The following ITGA9 variants were observed in gnomAD, a reference collection of about 807,000 sequenced individuals.
ITGA9 encodes integrin subunit alpha 9.
Under a neutral mutation model 127.8 loss-of-function variants are expected in ITGA9, and 56 were observed. The ratio of observed to expected loss-of-function variants is 0.44; its 90% CI spans 0.35 to 0.55. The LOEUF (loss-of-function observed/expected upper bound fraction) is 0.55, where lower values mean the gene tolerates loss of function less well. Ranked by LOEUF, ITGA9 falls within the 20% of genes least tolerant of loss-of-function variation. The pLI, the probability that ITGA9 is intolerant of heterozygous loss-of-function variation, is 0.00. For synonymous variants in ITGA9, 508 were observed against 514.5 expected (o/e 0.99, Z 0.17); for missense variants, 1,196 against 1,347.1 (o/e 0.89, Z 1.76).
intron 15 of ITGA9, among the ~76,000 whole-genome samples, chr3:37,627,906 C>T (rs1399603188): frequency 1.3e-5 from 2 of 152,106 alleles, no homozygotes; most frequent in Non-Finnish European, 2.9e-5. Context: ...GGATGGATAC[C>T]TAAGTACCCC....
At chr3:37,648,469 A>G (rs1413379532) in intron 16 of ITGA9, among the ~76,000 whole-genome samples, 1 of 152,064 alleles carries the variant, frequency 6.6e-6, no homozygotes, top group Non-Finnish European at 1.5e-5. Context: ...ACAAAAAATA[A>G]ACAGAAAATT....
chr3:37,516,352 T>A (rs1698983548), intron 9 of ITGA9, among the ~76,000 whole-genome samples: 4 of 152,084 alleles, frequency 2.6e-5, no homozygotes, highest in Admixed American at 6.5e-5. Flanking sequence ...GTTTGAATCT[T>A]GGTTTTGCCA....
At chr3:37,725,870 A>G (rs897137273) in intron 18 of ITGA9, among the ~76,000 whole-genome samples, 1 of 152,228 alleles carries the variant, frequency 6.6e-6, no homozygotes, top group African/African-American at 2.4e-5. Context: ...CATTGCTGGT[A>G]TATATCTGAG....
At chr3:37,539,015 C>T (rs1699240845) in intron 14 of ITGA9, among the ~76,000 whole-genome samples, 1 of 152,224 alleles carries the variant, frequency 6.6e-6, no homozygotes, top group African/African-American at 2.4e-5. Context: ...ACACACCCCG[C>T]TGGAGAGGAG....
chr3:37,672,928 G>A (rs1429438919), intron 17 of ITGA9, among the ~76,000 whole-genome samples: 1 of 150,602 alleles, frequency 6.6e-6, no homozygotes, highest in Non-Finnish European at 1.5e-5. Context: ...ACAAAAAATA[G>A]AGCAATACCT....
rs746086725 is a variant in ITGA9 at position 37,743,990 on chromosome 3, G to T, written c.2389G>T (p.Asp797Tyr). Residue 797 changes from aspartate to tyrosine, a missense_variant, in exon 22 of 28, where the codon GAT (aspartate) becomes TAT (tyrosine). Transcript: ENST00000264741. The part of the protein sequence containing the change: ...SVDAANFIQL[D>Y]DLECHFQPIN... ...GGACGCAGCCAACTTCATTCAGCTG[G>T]ATGACCTGGAGTGTCACTTTCAGCC... The T allele has an allele frequency of 1.2e-6, 2 of 1,614,100 alleles. No individual in the cohort carries two copies.
chr3:37,517,832 C>T (rs974953409), intron 10 of ITGA9, among the ~76,000 whole-genome samples: 3 of 152,224 alleles, frequency 2.0e-5, no homozygotes, highest in Admixed American at 2.0e-4. Flanking sequence ...GGAGTTTTGC[C>T]TCTGCATAAT....
intron 27 of ITGA9, chr3:37,808,547 C>T (rs1697326680): frequency 6.6e-6 from 1 of 152,212 alleles, no homozygotes; most frequent in Non-Finnish European, 1.5e-5. Flanking sequence ...TTGTATCATA[C>T]CAGCTAGCTA....
At chr3:37,631,818 T>C (rs1023511485) in intron 16 of ITGA9, among the ~76,000 whole-genome samples, 3 of 152,074 alleles carry the variant, frequency 2.0e-5, no homozygotes, top group African/African-American at 7.2e-5. Flanking sequence ...AGAGTTGACT[T>C]TTCACCATTG....
chr3:37,818,868 TTC>T (rs1697474929), intron 27 of ITGA9, 21 bp from the exon 28 acceptor site: 1 of 1,579,800 alleles, frequency 6.3e-7, no homozygotes, highest in African/African-American at 1.3e-5. Context: ...CTAACTCAGC[TTC>T]TCTTTCTTTC....
chr3:37,678,800 G>T (rs536642846), intron 17 of ITGA9, among the ~76,000 whole-genome samples: 1 of 152,290 alleles, frequency 6.6e-6, no homozygotes, highest in South Asian at 2.1e-4. Flanking sequence ...ATATGGAAAT[G>T]TATTGCATTT....
intron 12 of ITGA9, among the ~76,000 whole-genome samples, chr3:37,523,838 G>A (rs138985912): frequency 5.3e-4 from 81 of 152,242 alleles, no homozygotes; most frequent in African/African-American, 1.7e-3. Context: ...CCAGGAGGGT[G>A]GATTTGTGTA....
At chr3:37,721,019 A>T (rs1701184433) in intron 18 of ITGA9, among the ~76,000 whole-genome samples, 2 of 151,452 alleles carry the variant, frequency 1.3e-5, no homozygotes, top group South Asian at 2.1e-4. Flanking sequence ...TCTCCATTTG[A>T]TCACATAATT....
chr3:37,654,191 CA>C (rs1700455433), intron 17 of ITGA9, among the ~76,000 whole-genome samples: 1 of 8,554 alleles, frequency 1.2e-4, no homozygotes, highest in Non-Finnish European at 2.7e-4. Context: ...CTCCTGCCTC[CA>C]CACACACACA....
intron 6 of ITGA9, among the ~76,000 whole-genome samples, chr3:37,505,751 A>G (rs1698833774): frequency 6.6e-6 from 1 of 152,234 alleles, no homozygotes. Flanking sequence ...ATAGTATTTC[A>G]TACAGTACTT....
chr3:37,552,672 C>T (rs1699389510), intron 15 of ITGA9, among the ~76,000 whole-genome samples: 1 of 152,134 alleles, frequency 6.6e-6, no homozygotes, highest in Non-Finnish European at 1.5e-5. Context: ...CATGCATGTA[C>T]TCCAGCTCTC....
chr3:37,645,434 G>A (rs948213767), intron 16 of ITGA9, among the ~76,000 whole-genome samples: 13 of 152,184 alleles, frequency 8.5e-5, no homozygotes, highest in Admixed American at 2.0e-4. Flanking sequence ...GGGGCATGGT[G>A]GTACGTGCCT....
At chr3:37,791,585 C>G (rs1305167650) in intron 26 of ITGA9, among the ~76,000 whole-genome samples, 4 of 152,222 alleles carry the variant, frequency 2.6e-5, no homozygotes, top group African/African-American at 7.2e-5. Flanking sequence ...TGGCTTCTCT[C>G]TACCTCGTGC....
chr3:37,571,309 C>G (rs564589571), intron 15 of ITGA9, among the ~76,000 whole-genome samples: 32 of 152,200 alleles, frequency 2.1e-4, no homozygotes, highest in Non-Finnish European at 3.1e-4. Context: ...TACACCCATG[C>G]TGCCCATGGT....
Sources: allele counts gnomAD v4.1 joint callset (sites outside exome capture counted in the v4.1 genomes callset), GRCh38; gene constraint gnomAD v4.1.1; transcripts MANE v1.5; gene names NCBI Gene and HGNC (gene_info 2026-07-23, HGNC 2026-07-21).